ARHGAP6: variants seen among roughly 807,000 people sequenced by gnomAD.
ARHGAP6 encodes the protein rho GTPase-activating protein 6.
ARHGAP6 carries 16 observed loss-of-function variants against 55.7 expected under a neutral mutation model. The ratio of observed to expected loss-of-function variants is 0.29; its 90% CI spans 0.19 to 0.44. The LOEUF is 0.44. Among genes scored for constraint, ARHGAP6 ranks in the 20% least tolerant of loss-of-function variants. ARHGAP6 has a pLI of 1.00. For synonymous variants in ARHGAP6, 382 were observed against 360.9 expected (o/e 1.06, Z -0.66); for missense variants, 698 against 808.9 (o/e 0.86, Z 1.66).
intron 1 of ARHGAP6, among the ~76,000 whole-genome samples, chrX:11,538,410 C>G (rs897346339): frequency 1.8e-5 from 2 of 111,255 alleles, no homozygotes; most frequent in Non-Finnish European, 3.8e-5. Context: ...TTTCCTGGCC[C>G]TTTATGGCTG....
At chrX:11,455,760 A>G (rs961546575) in intron 1 of ARHGAP6, among the ~76,000 whole-genome samples, 8 of 111,984 alleles carry the variant, frequency 7.1e-5, no homozygotes, top group African/African-American at 2.6e-4. Context: ...ATAAGATGAC[A>G]TGAGACTAGA....
chrX:11,558,836 CAAAAAAAAAAAAAAAAAAA>C (rs58936931), intron 1 of ARHGAP6, among the ~76,000 whole-genome samples: 18 of 30,080 alleles, frequency 6.0e-4, no homozygotes, highest in Admixed American at 7.2e-4. Flanking sequence ...GATTCCATCT[CAAAAAAAAAAAAAAAAAAA>C]AAAAAAAAAA....
chrX:11,615,451 T>G lies in ARHGAP6; in HGVS notation c.588+48790A>C, dbSNP rs559162462. On this transcript the variant is annotated intron_variant, in intron 1 of 12. Transcript: ENST00000337414. Reference sequence around the variant, plus strand: ...TAATTGTTGGGTCAAACAAAGTAATTTGCAGAATATCTCTGCAAGTTCCTT... The same window carrying G: ...TAATTGTTGGGTCAAACAAAGTAATGTGCAGAATATCTCTGCAAGTTCCTT... Among the ~76,000 whole-genome samples, 8 of 111,870 alleles carry G rather than the reference T, an allele frequency of 7.2e-5. No homozygotes were observed. In the South Asian group the frequency reaches 3.0e-3, roughly 42 times the overall value.
rs183245568 is a variant in ARHGAP6 at position 11,242,348 on chromosome X, G to C, written c.748+12200C>G. On this transcript the variant is annotated intron_variant, in intron 2 of 12. Transcript: ENST00000337414. ...TAACTAGGTGTTCTTTGTAATCACT[G>C]CTTGCTGTAAGAACTGCTAATGATC... 6.6e-3 allele frequency among the ~76,000 whole-genome samples: 743 copies of C among 112,532 alleles called. 3 individuals carry two copies. Among genetic ancestry groups the C allele is most frequent in the South Asian group, 0.024 (64 of 2,697 alleles).
chrX:11,140,572 A>G (rs867009086), intron 12 of ARHGAP6, among the ~76,000 whole-genome samples: 7 of 110,547 alleles, frequency 6.3e-5, no homozygotes, highest in Middle Eastern at 9.2e-3. Context: ...TGGTGGAGCC[A>G]CTGGATATGT....
chrX:11,571,830 G>C lies in ARHGAP6; in HGVS notation c.588+92411C>G, dbSNP rs774978031. ...TTGAGCCTTTGAGGTTGAGGCTGCA[G>C]TGAGCCGTGATTGCATCACTGTACT... On this transcript the variant is annotated intron_variant, in intron 1 of 12. Coordinates refer to ENST00000337414, the MANE Select transcript of ARHGAP6 (RefSeq NM_013427.3). Among the ~76,000 whole-genome samples the C allele has an allele frequency of 1.2e-4, 13 of 109,933 alleles. No homozygotes were observed. In the Admixed American group the frequency reaches 1.3e-3, roughly 11 times the overall value.
At chrX:11,342,587 TAGAA>T (rs1347300794) in intron 1 of ARHGAP6, among the ~76,000 whole-genome samples, 1 of 112,190 alleles carries the variant, frequency 8.9e-6, no homozygotes. Flanking sequence ...TGTCAGGTTC[TAGAA>T]AGAAAGAAAA....
At chrX:11,382,487 A>C (rs1176641391) in intron 1 of ARHGAP6, among the ~76,000 whole-genome samples, 1 of 111,920 alleles carries the variant, frequency 8.9e-6, no homozygotes, top group Non-Finnish European at 1.9e-5. Context: ...TTGTTGTCCC[A>C]ATAAAATAAG....
Position 11,501,589 on chromosome X carries a change from T to G in ARHGAP6, c.588+162652A>C, listed in dbSNP as rs375981091. On this transcript the variant is annotated intron_variant, in intron 1 of 12. Coordinates refer to ENST00000337414, the MANE Select transcript of ARHGAP6 (RefSeq NM_013427.3). ...AGTCAAAAATCTGTGTATAACTTTT[T>G]GACTCCCCAAAAACTTTACTTTTAA... is the stretch of plus-strand genomic sequence containing the variant. Among the ~76,000 whole-genome samples the G allele has an allele frequency of 1.9e-4, 21 of 111,889 alleles. No individual in the cohort carries two copies. The South Asian group carries it at 6.8e-3, about 36-fold the overall frequency.
intron 9 of ARHGAP6, among the ~76,000 whole-genome samples, chrX:11,164,586 C>G (rs1429701353): frequency 8.9e-6 from 1 of 111,814 alleles, no homozygotes; most frequent in Non-Finnish European, 1.9e-5. Flanking sequence ...TCATCACAGC[C>G]TCTGACCCTT....
chrX:11,179,168 A>T lies in ARHGAP6; in HGVS notation c.1480+134T>A, dbSNP rs767481241. The stretch of plus-strand genomic sequence containing the variant: ...CAGGGTAAATCTGAGAAATTCCCTC[A>T]AATAGCTCACTCTTTAGAGATTGAT... On this transcript the variant is annotated intron_variant, in intron 7 of 12. Coordinates refer to ENST00000337414, the MANE Select transcript of ARHGAP6 (RefSeq NM_013427.3). 3.5e-4 allele frequency: 219 copies of T among 625,058 alleles called. No homozygotes were observed. In the African/African-American group the frequency reaches 3.7e-3, roughly 11 times the overall value. The allele number at this position is 625,058 out of a possible 1,213,427, so 51.5% of individuals were successfully genotyped here. A position where few individuals can be genotyped will look rare whatever the true frequency, so the allele number is the denominator to read the frequency against.
intron 1 of ARHGAP6, among the ~76,000 whole-genome samples, chrX:11,621,893 A>T (rs2052234940): frequency 9.0e-6 from 1 of 111,680 alleles, no homozygotes; most frequent in Non-Finnish European, 1.9e-5. Context: ...TTTAGCAGAG[A>T]CAAAATACAG....
intron 1 of ARHGAP6, among the ~76,000 whole-genome samples, chrX:11,479,455 G>C (rs10521617): frequency 0.12 from 13,012 of 111,117 alleles, 735 homozygotes; most frequent in Admixed American, 0.21. Flanking sequence ...TGCTTAGGAA[G>C]TATCTGCAAA....
In ARHGAP6 at chrX:11,174,558, C is replaced by CT. The variant is rs1569241008; in HGVS notation, c.1629+3541dup. ...CCTTCCTTCCTTCCTTCCTTCCTTC[C>CT]TTCCTTCCTTCCTTCCTTTCTTTCT... On this transcript the variant is annotated intron_variant, in intron 8 of 12. Transcript: ENST00000337414. Among the ~76,000 whole-genome samples, 118 of 82,555 alleles carry CT rather than the reference C, an allele frequency of 1.4e-3. 2 individuals are homozygous for CT. Among genetic ancestry groups the CT allele is most frequent in the African/African-American group, 4.1e-3 (93 of 22,954 alleles). The allele number at this position is 82,555 out of a possible 115,157, so 71.7% of individuals were successfully genotyped here.
chrX:11,250,191 T>C (rs1359537896), intron 2 of ARHGAP6, among the ~76,000 whole-genome samples: 1 of 112,402 alleles, frequency 8.9e-6, no homozygotes. Context: ...ACTTAATTAT[T>C]TTCCCAGATG....
intron 1 of ARHGAP6, among the ~76,000 whole-genome samples, chrX:11,571,316 C>G (rs2147106729): frequency 9.0e-6 from 1 of 111,092 alleles, no homozygotes; most frequent in South Asian, 3.8e-4. Context: ...ACTCTGATGC[C>G]AGATAGGCTG....
At chrX:11,402,086 C>G (rs754119806) in intron 1 of ARHGAP6, among the ~76,000 whole-genome samples, 2 of 111,655 alleles carry the variant, frequency 1.8e-5, no homozygotes, top group Admixed American at 1.9e-4. Flanking sequence ...AATACTAAGG[C>G]TCACAAATAA....
chrX:11,491,546 A>T (rs1479033878), intron 1 of ARHGAP6, among the ~76,000 whole-genome samples: 3 of 112,019 alleles, frequency 2.7e-5, no homozygotes, highest in African/African-American at 6.5e-5. Flanking sequence ...CATGAACTCA[A>T]CATTTTTTGT....
intron 1 of ARHGAP6, among the ~76,000 whole-genome samples, chrX:11,353,910 A>G (rs1460523550): frequency 9.0e-6 from 1 of 111,055 alleles, no homozygotes; most frequent in Non-Finnish European, 1.9e-5. Flanking sequence ...GTTTGTGACT[A>G]CATCAGGCAA....
Sources: allele counts gnomAD v4.1 joint callset (sites outside exome capture counted in the v4.1 genomes callset), GRCh38; gene constraint gnomAD v4.1.1; transcripts MANE v1.5; gene names NCBI Gene and HGNC (gene_info 2026-07-23, HGNC 2026-07-21).